PHACTR1: variants seen among roughly 807,000 people sequenced by gnomAD.
The protein encoded by PHACTR1 is phosphatase and actin regulator 1.
A neutral mutation model predicts 69.2 loss-of-function variants in PHACTR1; 16 were observed. That is an observed-to-expected ratio of 0.23 (90% CI 0.16 to 0.35). The LOEUF is 0.35. PHACTR1 is among the 10% of genes least tolerant of loss of function. The probability of loss-of-function intolerance (pLI) is 1.00; values close to 1 mark genes in which losing one functional copy is unlikely to be tolerated. For synonymous variants in PHACTR1, 312 were observed against 284.5 expected (o/e 1.10, Z -0.97); for missense variants, 510 against 734.7 (o/e 0.69, Z 3.54).
At chr6:12,912,184 G>C (rs933435922) in intron 4 of PHACTR1, among the ~76,000 whole-genome samples, 7 of 152,120 alleles carry the variant, frequency 4.6e-5, no homozygotes, top group African/African-American at 1.7e-4. Flanking sequence ...ATTTTTAATA[G>C]AGACGGGATT....
chr6:12,767,300 C>T (rs1483897232), intron 4 of PHACTR1, among the ~76,000 whole-genome samples: 1 of 152,160 alleles, frequency 6.6e-6, no homozygotes, highest in Non-Finnish European at 1.5e-5. Context: ...TTCAGAATTC[C>T]CCCAGCCTTG....
intron 4 of PHACTR1, among the ~76,000 whole-genome samples, chr6:12,853,386 A>G (rs545990884): frequency 9.8e-5 from 15 of 152,296 alleles, no homozygotes; most frequent in African/African-American, 2.9e-4. Context: ...GATAGGATTT[A>G]TTTGTTAACT....
Position 12,969,940 on chromosome 6 carries a change from G to T in PHACTR1, c.251-83425G>T, listed in dbSNP as rs199947413. Reference sequence around the variant, plus strand: ...ATCATGCCACTGCACTCCAGCCTGGGTGATAGAGTGAGACTCCATCTTAAA... The same window carrying T: ...ATCATGCCACTGCACTCCAGCCTGGTTGATAGAGTGAGACTCCATCTTAAA... On this transcript the variant is annotated intron_variant, in intron 4 of 14. Coordinates refer to ENST00000332995, the MANE Select transcript of PHACTR1 (RefSeq NM_030948.6). Among the ~76,000 whole-genome samples the T allele has an allele frequency of 2.6e-5, 4 of 152,220 alleles. No individual in the cohort carries two copies. The East Asian group carries it at 5.8e-4, about 22-fold the overall frequency.
chr6:12,902,613 T>C (rs1276418760), intron 4 of PHACTR1, among the ~76,000 whole-genome samples: 3 of 152,182 alleles, frequency 2.0e-5, no homozygotes, highest in African/African-American at 7.2e-5. Context: ...GTATCACTTT[T>C]CTCCACATCT....
chr6:12,757,853 T>C (rs1050686328), intron 4 of PHACTR1, among the ~76,000 whole-genome samples: 1 of 152,108 alleles, frequency 6.6e-6, no homozygotes, highest in Non-Finnish European at 1.5e-5. Context: ...GGCTTACACC[T>C]CTAATTCTAG....
At chr6:13,079,270 G>C (rs983935457) in intron 5 of PHACTR1, among the ~76,000 whole-genome samples, 15 of 152,158 alleles carry the variant, frequency 9.9e-5, no homozygotes, top group African/African-American at 3.6e-4. Flanking sequence ...GAGATGGACA[G>C]ATACCCATGA....
chr6:13,168,681 G>C (rs539993078), intron 6 of PHACTR1, among the ~76,000 whole-genome samples: 2 of 152,204 alleles, frequency 1.3e-5, no homozygotes, highest in Admixed American at 6.5e-5. Context: ...TGGAAGGAGT[G>C]GTATCTTAGA....
intron 4 of PHACTR1, among the ~76,000 whole-genome samples, chr6:12,824,115 G>A (rs925829220): frequency 5.3e-5 from 8 of 152,138 alleles, no homozygotes; most frequent in African/African-American, 9.7e-5. Flanking sequence ...TCTGCCTCCC[G>A]TCAGATCAGT....
chr6:12,785,414 G>T (rs1031963594), intron 4 of PHACTR1, among the ~76,000 whole-genome samples: 9 of 152,152 alleles, frequency 5.9e-5, no homozygotes, highest in African/African-American at 1.9e-4. Flanking sequence ...TTCCTGTTTT[G>T]CTCAGGAAGG....
At chr6:12,824,802 C>A (rs1239362938) in intron 4 of PHACTR1, among the ~76,000 whole-genome samples, 1 of 152,042 alleles carries the variant, frequency 6.6e-6, no homozygotes, top group African/African-American at 2.4e-5. Flanking sequence ...ATGTATGTTT[C>A]AGTCTAATAC....
intron 4 of PHACTR1, among the ~76,000 whole-genome samples, chr6:13,027,429 G>T (rs1417132199): frequency 1.3e-5 from 2 of 152,132 alleles, no homozygotes; most frequent in African/African-American, 4.8e-5. Context: ...GGTCTGGCTA[G>T]TCCTCGGGTC....
At chr6:13,027,025 T>C (rs1321119670) in intron 4 of PHACTR1, among the ~76,000 whole-genome samples, 9 of 152,208 alleles carry the variant, frequency 5.9e-5, no homozygotes, top group African/African-American at 1.4e-4. Flanking sequence ...AATTCAGTCC[T>C]CTGCAATACA....
intron 3 of PHACTR1, 59 bp downstream of exon 3, chr6:12,718,906 C>CTACATGGCTGTTCAT: frequency 9.7e-7 from 1 of 1,036,098 alleles, no homozygotes; most frequent in Non-Finnish European, 1.4e-6. Context: ...TATGAACAGC[C>CTACATGGCTGTTCAT]ATGTAGGCTG....
chr6:12,790,082 A>G (rs1001548922), intron 4 of PHACTR1, among the ~76,000 whole-genome samples: 1 of 151,312 alleles, frequency 6.6e-6, no homozygotes, highest in African/African-American at 2.4e-5. Context: ...TTTCCATTCC[A>G]TTTTTTTCTC....
intron 11 of PHACTR1, 67 bp from the exon 12 acceptor site, chr6:13,278,201 C>A: frequency 6.8e-7 from 1 of 1,473,136 alleles, no homozygotes; most frequent in South Asian, 1.2e-5. Context: ...CTGCCAAGGT[C>A]CAAAGGATGC....
At chr6:13,151,402 C>T (rs1246327639) in intron 5 of PHACTR1, among the ~76,000 whole-genome samples, 7 of 152,200 alleles carry the variant, frequency 4.6e-5, no homozygotes, top group African/African-American at 1.7e-4. Flanking sequence ...ATAAGAGTTT[C>T]TTTCTTCCAT....
intron 4 of PHACTR1, among the ~76,000 whole-genome samples, chr6:13,042,182 AATGTT>A (rs1267837586): frequency 6.6e-6 from 1 of 152,210 alleles, no homozygotes; most frequent in Admixed American, 6.5e-5. Flanking sequence ...AAACAAATGA[AATGTT>A]ATACCCCACC....
At chr6:12,814,786 C>T (rs1040049815) in intron 4 of PHACTR1, among the ~76,000 whole-genome samples, 2 of 152,218 alleles carry the variant, frequency 1.3e-5, no homozygotes, top group African/African-American at 2.4e-5. Context: ...AATTGTTCCA[C>T]TTCCATGGAC....
intron 4 of PHACTR1, among the ~76,000 whole-genome samples, chr6:12,756,021 C>A (rs186985496): frequency 3.5e-4 from 54 of 152,298 alleles, no homozygotes; most frequent in African/African-American, 1.2e-3. Flanking sequence ...AGGTTCATCA[C>A]CTACCAGTCA....
Sources: gnomAD v4.1 joint callset for allele counts (sites outside exome capture counted in the v4.1 genomes callset) on GRCh38, gnomAD v4.1.1 for gene constraint, MANE v1.5 for transcripts, NCBI Gene and HGNC (gene_info 2026-07-23, HGNC 2026-07-21) for gene names.